Variants in IKBKB observed in about 807,000 individuals in gnomAD.
IKBKB encodes the protein inhibitor of nuclear factor kappa-B kinase subunit beta.
In IKBKB, 42 loss-of-function variants were observed where a neutral mutation model predicts 113.6. The observed-to-expected ratio is 0.37, with a 90% CI of 0.29 to 0.48. The LOEUF (loss-of-function observed/expected upper bound fraction) is 0.48, where lower values mean the gene tolerates loss of function less well. IKBKB is among the 20% of genes least tolerant of loss of function. The pLI is 0.99. For missense variants in IKBKB, 673 were observed against 939.7 expected, an observed-to-expected ratio of 0.72 and a Z score of 3.71; for synonymous variants, 296 against 361.3, an observed-to-expected ratio of 0.82 and a Z score of 2.05.
chr8:42,322,620 G>A (rs932855537), intron 19 of IKBKB, 126 bp downstream of exon 19: 9 of 953,376 alleles, frequency 9.4e-6, no homozygotes, highest in African/African-American at 1.6e-5. Context: ...GCTGCTGCTC[G>A]GGCTTCACGT....
chr8:42,326,184 T>C, intron 20 of IKBKB, 87 bp downstream of exon 20: 1 of 1,483,588 alleles, frequency 6.7e-7, no homozygotes, highest in Non-Finnish European at 9.2e-7. Context: ...GGTAAATGTC[T>C]GTCTGATGGT....
intron 1 of IKBKB, 170 bp downstream of exon 1, chr8:42,271,639 C>T (rs1041181711): frequency 5.5e-6 from 3 of 544,666 alleles, no homozygotes; most frequent in Non-Finnish European, 6.4e-6. Flanking sequence ...AACAGCTCTC[C>T]CTGGGGTGGC....
Position 42,331,001 on chromosome 8 carries a change from G to A in IKBKB, c.*22G>A, listed in dbSNP as rs1585848390. 1 of 1,602,726 alleles carries A rather than the reference G, an allele frequency of 6.2e-7. No individual in the cohort carries two copies. Among genetic ancestry groups the A allele is most frequent in the Non-Finnish European group, 8.5e-7 (1 of 1,171,868 alleles). On this transcript the variant is annotated 3_prime_UTR_variant, in exon 22 of 22. Coordinates refer to ENST00000520810, the MANE Select transcript of IKBKB (RefSeq NM_001556.3). ...ATGATGTGGGGGGACTCGACCCCCTGACATGGGGCAGCCCATAGCAGGCCT... is the reference window on the plus strand; with the variant it reads ...ATGATGTGGGGGGACTCGACCCCCTAACATGGGGCAGCCCATAGCAGGCCT...
At chr8:42,298,036 A>G in intron 5 of IKBKB, 4 of 954,258 alleles carry the variant, frequency 4.2e-6, no homozygotes, top group Non-Finnish European at 5.0e-6. Flanking sequence ...TGGAAATGAT[A>G]TGGACTGCCA....
Position 42,322,340 on chromosome 8 carries a change from T to C in IKBKB, c.1839-7T>C. On this transcript the variant is annotated splice_polypyrimidine_tract_variant and splice_region_variant and intron_variant, in intron 18 of 21. Transcript: ENST00000520810. ...TGCCATTAGTTTGCCATGTTTATTC[T>C]TTGCAGTAAAACTGTGGTTTGCAAG... 6.2e-7 allele frequency: 1 copy of C among 1,613,712 alleles called. No individual in the cohort carries two copies. The highest frequency in any genetic ancestry group is 8.5e-7 in the Non-Finnish European group (1 of 1,179,956).
intron 5 of IKBKB, among the ~76,000 whole-genome samples, chr8:42,298,982 T>G (rs530016798): frequency 6.6e-6 from 1 of 152,240 alleles, no homozygotes; most frequent in East Asian, 1.9e-4. Context: ...GACGTTCTGT[T>G]TCCCTGGCCG....
intron 12 of IKBKB, among the ~76,000 whole-genome samples, 153 bp downstream of exon 12, chr8:42,317,924 A>G (rs1269465004): frequency 6.6e-6 from 1 of 152,124 alleles, no homozygotes; most frequent in Non-Finnish European, 1.5e-5. Flanking sequence ...AGGACATGCA[A>G]GGAGTAGCCA....
chr8:42,283,618 CAG>C (rs1773202205), intron 2 of IKBKB, among the ~76,000 whole-genome samples: 4 of 152,184 alleles, frequency 2.6e-5, no homozygotes, highest in Admixed American at 2.0e-4. Flanking sequence ...AGTAGGGAAA[CAG>C]ACTCTCCCCT....
In IKBKB at chr8:42,309,035, C is replaced by A; in HGVS notation, c.692+10C>A. 6.2e-7 allele frequency: 1 copy of A among 1,611,602 alleles called. No homozygotes were observed. Among genetic ancestry groups the A allele is most frequent in the Non-Finnish European group, 8.5e-7 (1 of 1,178,666 alleles). Reference sequence around the variant, plus strand: ...GGCAGCCCGTGCAGTGGTGAGTGGGCCCGGGGCACCTGGATGGAGGAGGGA... The same window carrying A: ...GGCAGCCCGTGCAGTGGTGAGTGGGACCGGGGCACCTGGATGGAGGAGGGA... On this transcript the variant is annotated intron_variant, in intron 8 of 21. Coordinates refer to ENST00000520810, the MANE Select transcript of IKBKB (RefSeq NM_001556.3).
chr8:42,293,843 A>G (rs758092851), intron 5 of IKBKB, among the ~76,000 whole-genome samples: 6 of 152,140 alleles, frequency 3.9e-5, no homozygotes, highest in Non-Finnish European at 5.9e-5. Flanking sequence ...TGTCATTCGA[A>G]TGAGTTTTGT....
chr8:42,322,850 A>G lies in IKBKB; in HGVS notation c.1986+356A>G, dbSNP rs117473284. ...GAGGATTGCTTGAGCCCAGGAGTTC[A>G]AGACTGCAGTGAGCTGTGATCATGC... On this transcript the variant is annotated intron_variant, in intron 19 of 21. Coordinates refer to ENST00000520810, the MANE Select transcript of IKBKB (RefSeq NM_001556.3). Among the ~76,000 whole-genome samples, 1,349 of 152,220 alleles carry G rather than the reference A, an allele frequency of 8.9e-3. 12 individuals are homozygous for G. The highest frequency in any genetic ancestry group is 0.037 in the Middle Eastern group (11 of 294).
At chr8:42,283,466 T>C (rs1326995329) in intron 2 of IKBKB, among the ~76,000 whole-genome samples, 1 of 152,108 alleles carries the variant, frequency 6.6e-6, no homozygotes, top group African/African-American at 2.4e-5. Context: ...ATCCCAAGGG[T>C]TCTTAAACGT....
intron 2 of IKBKB, among the ~76,000 whole-genome samples, chr8:42,287,290 C>G (rs1199420972): frequency 6.6e-6 from 1 of 152,228 alleles, no homozygotes; most frequent in East Asian, 1.9e-4. Context: ...GAGGATGCTG[C>G]TGGTTACCTC....
At chr8:42,273,550 A>G (rs139579521) in intron 2 of IKBKB, among the ~76,000 whole-genome samples, 44 of 152,090 alleles carry the variant, frequency 2.9e-4, no homozygotes, top group African/African-American at 1.1e-3. Flanking sequence ...GATGATGAAA[A>G]TCCATATTTC....
intron 2 of IKBKB, among the ~76,000 whole-genome samples, chr8:42,285,871 T>A (rs1811317468): frequency 6.6e-6 from 1 of 152,090 alleles, no homozygotes; most frequent in African/African-American, 2.4e-5. Context: ...GGCTAATCCG[T>A]AGAGACAGAA....
intron 1 of IKBKB, 62 bp from the exon 2 acceptor site, chr8:42,272,010 GCCTTCTCCATC>G: frequency 6.9e-7 from 1 of 1,440,860 alleles, no homozygotes; most frequent in South Asian, 1.3e-5. Flanking sequence ...GGTATCTCTT[GCCTTCTCCATC>G]CCTTTGAGCT....
At chr8:42,310,694 CAGGA>C (rs1817541695) in intron 8 of IKBKB, among the ~76,000 whole-genome samples, 1 of 152,154 alleles carries the variant, frequency 6.6e-6, no homozygotes, top group African/African-American at 2.4e-5. Context: ...AGTAAAAAAG[CAGGA>C]ATCAACTGTC....
Position 42,316,017 on chromosome 8 carries a change from G to T in IKBKB, c.801-193G>T, listed in dbSNP as rs1197501729. 6.6e-6 allele frequency among the ~76,000 whole-genome samples: 1 copy of T among 152,190 alleles called. No homozygotes were observed. The highest frequency in any genetic ancestry group is 1.5e-5 in the Non-Finnish European group (1 of 68,030). The stretch of plus-strand genomic sequence containing the variant: ...GAGGTCAGCAATCTCTGATTTGGGG[G>T]TATTTTAGAATTCAGGAGAGAGGTG... On this transcript the variant is annotated intron_variant, in intron 9 of 21. Transcript: ENST00000520810. This position sits in a 1 kb window ranked among gnomAD's most constrained non-coding sequence, Gnocchi z 4.5.
chr8:42,287,777 T>C (rs1203930523), intron 2 of IKBKB, among the ~76,000 whole-genome samples: 3 of 152,210 alleles, frequency 2.0e-5, no homozygotes. Flanking sequence ...AGTTGGAATT[T>C]GAACCAGCCA....
Sources: gnomAD v4.1 joint callset for allele counts (sites outside exome capture counted in the v4.1 genomes callset) on GRCh38, gnomAD v4.1.1 for gene constraint, Gnocchi (gnomAD v3.1) non-coding constraint, MANE v1.5 for transcripts, NCBI Gene and HGNC (gene_info 2026-07-23, HGNC 2026-07-21) for gene names.